Variants in INPP4B observed in about 807,000 individuals in gnomAD.
INPP4B encodes inositol polyphosphate 4-phosphatase type II.
A neutral mutation model predicts 122.5 loss-of-function variants in INPP4B; 55 were observed. The ratio of observed to expected loss-of-function variants is 0.45; its 90% CI spans 0.36 to 0.56. The LOEUF is 0.56. Among genes scored for constraint, INPP4B ranks in the 20% least tolerant of loss-of-function variants. The probability of loss-of-function intolerance (pLI) is 0.00; values close to 1 mark genes in which losing one functional copy is unlikely to be tolerated. For synonymous variants in INPP4B, 403 were observed against 388.7 expected (o/e 1.04, Z -0.43); for missense variants, 1,000 against 1,097.7 (o/e 0.91, Z 1.26).
At chr4:142,352,274 G>A (rs1782151729) in intron 7 of INPP4B, among the ~76,000 whole-genome samples, 1 of 151,840 alleles carries the variant, frequency 6.6e-6, no homozygotes, top group South Asian at 2.1e-4. Context: ...CTTCCCAAAT[G>A]GCTTTCTTCC....
intron 2 of INPP4B, among the ~76,000 whole-genome samples, chr4:142,515,650 A>G (rs1166924940): frequency 1.3e-5 from 2 of 152,164 alleles, no homozygotes; most frequent in Non-Finnish European, 1.5e-5. Context: ...GCAGTGGGAA[A>G]CAGGGCTCAT....
intron 18 of INPP4B, among the ~76,000 whole-genome samples, chr4:142,139,917 A>G (rs773641850): frequency 2.6e-5 from 4 of 152,144 alleles, no homozygotes; most frequent in Non-Finnish European, 5.9e-5. Flanking sequence ...GCTTCCAGTG[A>G]TCCACCCACC....
chr4:142,293,012 A>C (rs972712440), intron 9 of INPP4B, among the ~76,000 whole-genome samples: 2 of 151,040 alleles, frequency 1.3e-5, no homozygotes, highest in Non-Finnish European at 2.9e-5. Context: ...TGATGTTATA[A>C]AAAAGGTAAT....
chr4:142,570,995 C>T (rs1732674881), intron 2 of INPP4B, among the ~76,000 whole-genome samples: 1 of 150,874 alleles, frequency 6.6e-6, no homozygotes, highest in South Asian at 2.1e-4. Flanking sequence ...AAAAAGTATC[C>T]TTTCATGACC....
intron 7 of INPP4B, among the ~76,000 whole-genome samples, chr4:142,385,772 ATAAAT>A (rs929902452): frequency 3.3e-5 from 5 of 152,168 alleles, no homozygotes; most frequent in Admixed American, 2.6e-4. Context: ...ACTTTTGAAA[ATAAAT>A]TATGTTATTT....
chr4:142,070,455 C>G (rs1177125831), intron 25 of INPP4B, among the ~76,000 whole-genome samples: 1 of 152,124 alleles, frequency 6.6e-6, no homozygotes, highest in African/African-American at 2.4e-5. Context: ...TTCACCATTC[C>G]TCTTCAATAT....
chr4:142,222,486 C>A (rs918585350), intron 12 of INPP4B, among the ~76,000 whole-genome samples: 6 of 152,206 alleles, frequency 3.9e-5, no homozygotes, highest in Admixed American at 6.5e-5. Flanking sequence ...GTTTTTCCCT[C>A]TACACTTTTG....
intron 1 of INPP4B, among the ~76,000 whole-genome samples, chr4:142,826,866 C>A (rs1208601082): frequency 2.0e-5 from 3 of 152,168 alleles, no homozygotes; most frequent in African/African-American, 7.2e-5. Context: ...ATTAAAAGCT[C>A]TTGGAAGCTT....
At chr4:142,312,141 TGAAGACGCAATGTAATAAATGTAC>T (rs1765744478) in intron 8 of INPP4B, among the ~76,000 whole-genome samples, 1 of 152,198 alleles carries the variant, frequency 6.6e-6, no homozygotes, top group South Asian at 2.1e-4. Context: ...TTTTCAAAGA[TGAAGACGCAATGTAATAAATGTAC>T]CCCATTGTAT....
intron 12 of INPP4B, among the ~76,000 whole-genome samples, chr4:142,212,346 T>C (rs1845285014): frequency 6.6e-6 from 1 of 152,186 alleles, no homozygotes; most frequent in Non-Finnish European, 1.5e-5. Flanking sequence ...TCCTTTACCA[T>C]TAATCCCAGA....
chr4:142,545,811 A>G (rs71608487), intron 2 of INPP4B, among the ~76,000 whole-genome samples: 4,747 of 85,522 alleles, frequency 0.056, 203 homozygotes, highest in Middle Eastern at 0.092. Context: ...ATATACACAT[A>G]TACATGTGTG....
intron 2 of INPP4B, among the ~76,000 whole-genome samples, chr4:142,604,067 T>C (rs1163435684): frequency 6.6e-6 from 1 of 152,066 alleles, no homozygotes; most frequent in East Asian, 1.9e-4. Context: ...GCAAGGATGG[T>C]TCAATACACG....
intron 2 of INPP4B, among the ~76,000 whole-genome samples, chr4:142,690,798 A>G (rs1283086592): frequency 6.6e-6 from 1 of 152,136 alleles, no homozygotes; most frequent in African/African-American, 2.4e-5. Context: ...TTTGTACAGC[A>G]AAGCAAGGGT....
rs78002475 is a variant in INPP4B, at chr4:142,408,142, A to G, written c.137-2818T>C. 8.3e-3 allele frequency among the ~76,000 whole-genome samples: 1,267 copies of G among 152,318 alleles called. 22 individuals carry two copies. Among genetic ancestry groups the G allele is most frequent in the African/African-American group, 0.028 (1,159 of 41,570 alleles). On this transcript the variant is annotated intron_variant, in intron 5 of 25. Coordinates refer to ENST00000262992, the MANE Select transcript of INPP4B (RefSeq NM_001101669.3). ...GAATCAGTCCCACCAGACGGCTGATAAATAATGAGTGATTGGATTGTTTTG... is the reference window on the plus strand; with the variant it reads ...GAATCAGTCCCACCAGACGGCTGATGAATAATGAGTGATTGGATTGTTTTG...
intron 2 of INPP4B, among the ~76,000 whole-genome samples, chr4:142,665,051 T>C (rs1456750438): frequency 1.3e-5 from 2 of 152,180 alleles, no homozygotes; most frequent in African/African-American, 4.8e-5. Context: ...TATCTAAACA[T>C]ATCTAAACAT....
chr4:142,617,045 A>G (rs1743860040), intron 2 of INPP4B, among the ~76,000 whole-genome samples: 1 of 152,122 alleles, frequency 6.6e-6, no homozygotes, highest in South Asian at 2.1e-4. Flanking sequence ...CAGCTACACA[A>G]TCTATCCTTG....
chr4:142,330,009 C>A (rs1167461972), intron 7 of INPP4B, among the ~76,000 whole-genome samples: 1 of 152,058 alleles, frequency 6.6e-6, no homozygotes, highest in Non-Finnish European at 1.5e-5. Context: ...AATTTATAAA[C>A]AAACTGAGTG....
chr4:142,736,424 G>A (rs974666891), intron 1 of INPP4B, among the ~76,000 whole-genome samples: 4 of 151,968 alleles, frequency 2.6e-5, no homozygotes, highest in Non-Finnish European at 4.4e-5. Flanking sequence ...TAATTTTCAT[G>A]AGTTAATTAT....
intron 12 of INPP4B, among the ~76,000 whole-genome samples, chr4:142,228,227 A>G (rs1247151514): frequency 1.3e-5 from 2 of 152,052 alleles, no homozygotes; most frequent in African/African-American, 4.8e-5. Context: ...AAGATTAAAG[A>G]TAATACAGAT....
Sources: gnomAD v4.1 joint callset for allele counts (sites outside exome capture counted in the v4.1 genomes callset) on GRCh38, gnomAD v4.1.1 for gene constraint, MANE v1.5 for transcripts, NCBI Gene and HGNC (gene_info 2026-07-23, HGNC 2026-07-21) for gene names.